Variants in NDUFS4 observed in about 807,000 individuals in gnomAD.
NDUFS4 encodes NADH dehydrogenase [ubiquinone] iron-sulfur protein 4, mitochondrial.
A neutral mutation model predicts 24.3 loss-of-function variants in NDUFS4; 28 were observed. The ratio of observed to expected loss-of-function variants is 1.15; its 90% CI spans 0.85 to 1.58. NDUFS4 has a LOEUF of 1.58. Among genes scored for constraint, NDUFS4 ranks in the 40% most tolerant of loss-of-function variants. NDUFS4 has a pLI of 0.00. For synonymous variants in NDUFS4, 93 were observed against 69.7 expected (o/e 1.34, Z -1.67); for missense variants, 223 against 207.9 (o/e 1.07, Z -0.45).
chr5:53,629,373 G>T (rs904869292), intron 2 of NDUFS4, among the ~76,000 whole-genome samples: 2 of 152,134 alleles, frequency 1.3e-5, no homozygotes, highest in Admixed American at 6.5e-5. Context: ...GGGGTGGGGA[G>T]TTCTGTAGAT....
At chr5:53,589,870 C>T in intron 1 of NDUFS4, among the ~76,000 whole-genome samples, 1 of 152,196 alleles carries the variant, frequency 6.6e-6, no homozygotes, top group Non-Finnish European at 1.5e-5. Flanking sequence ...TGCCCTTGAA[C>T]ATCAGACTCC....
intron 1 of NDUFS4, among the ~76,000 whole-genome samples, chr5:53,595,809 G>A (rs186435847): frequency 1.6e-3 from 247 of 152,250 alleles, no homozygotes; most frequent in African/African-American, 5.4e-3. Context: ...CTTGAGCTGT[G>A]TCCAGACACA....
chr5:53,585,732 A>T (rs1373937362), intron 1 of NDUFS4, among the ~76,000 whole-genome samples: 1 of 151,704 alleles, frequency 6.6e-6, no homozygotes, highest in Non-Finnish European at 1.5e-5. Flanking sequence ...ACAAGAGCGT[A>T]ACTCCGTCTC....
At chr5:53,654,480 T>C (rs10940325) in intron 3 of NDUFS4, among the ~76,000 whole-genome samples, 3,120 of 152,198 alleles carry the variant, frequency 0.02, 116 homozygotes, top group African/African-American at 0.071. Context: ...CTCAGAAATA[T>C]TTTAAAATAA....
At chr5:53,621,333 C>T (rs900655486) in intron 2 of NDUFS4, among the ~76,000 whole-genome samples, 13 of 151,894 alleles carry the variant, frequency 8.6e-5, no homozygotes, top group African/African-American at 2.2e-4. Context: ...TTGACCTTTG[C>T]GATTATATGT....
chr5:53,598,179 G>A (rs1361080000), intron 1 of NDUFS4, among the ~76,000 whole-genome samples: 2 of 76,034 alleles, frequency 2.6e-5, no homozygotes, highest in Non-Finnish European at 4.9e-5. Context: ...ACAGCACTTT[G>A]GAAGAGTCTG....
At chr5:53,620,622 ATGTATC>A (rs1409982267) in intron 2 of NDUFS4, among the ~76,000 whole-genome samples, 1 of 152,190 alleles carries the variant, frequency 6.6e-6, no homozygotes, top group African/African-American at 2.4e-5. Context: ...TTGTGGCATA[ATGTATC>A]TGAGGAAGTT....
chr5:53,619,486 CAAAAAAAAAA>C (rs70983366), intron 2 of NDUFS4, among the ~76,000 whole-genome samples: 127 of 49,088 alleles, frequency 2.6e-3, no homozygotes, highest in African/African-American at 0.01. Flanking sequence ...GACTCTGTCT[CAAAAAAAAAA>C]AAAAAAAAAA....
intron 2 of NDUFS4, among the ~76,000 whole-genome samples, chr5:53,617,269 TC>T (rs1244403211): frequency 6.6e-6 from 1 of 152,094 alleles, no homozygotes; most frequent in Non-Finnish European, 1.5e-5. Context: ...GCCTCTCCTT[TC>T]CCCCCTCTTA....
intron 2 of NDUFS4, among the ~76,000 whole-genome samples, chr5:53,627,102 G>A (rs1412099732): frequency 6.6e-6 from 1 of 152,086 alleles, no homozygotes; most frequent in Non-Finnish European, 1.5e-5. Flanking sequence ...TCTACATATG[G>A]CTAGCCAGTT....
At chr5:53,570,150 CA>C (rs2112412795) in intron 1 of NDUFS4, among the ~76,000 whole-genome samples, 1 of 152,202 alleles carries the variant, frequency 6.6e-6, no homozygotes, top group South Asian at 2.1e-4. Flanking sequence ...TGCAGAATAC[CA>C]AAAGACTTCA....
chr5:53,604,451 C>T (rs1294201400), intron 2 of NDUFS4, among the ~76,000 whole-genome samples: 3 of 152,160 alleles, frequency 2.0e-5, no homozygotes, highest in African/African-American at 7.2e-5. Context: ...TTAAAATTAT[C>T]TCTTCAGTTT....
chr5:53,624,549 G>A (rs746066722), intron 2 of NDUFS4, among the ~76,000 whole-genome samples: 8 of 152,138 alleles, frequency 5.3e-5, no homozygotes, highest in African/African-American at 9.6e-5. Context: ...CAAATCTTTC[G>A]TTTTCTAAGT....
chr5:53,629,665 G>C (rs1353983444), intron 2 of NDUFS4, among the ~76,000 whole-genome samples: 2 of 151,872 alleles, frequency 1.3e-5, no homozygotes, highest in Non-Finnish European at 2.9e-5. Flanking sequence ...ATCTTTGTTG[G>C]TTTAAAGTCT....
At position 53,619,114 on chromosome 5, in the gene NDUFS4, A is replaced by AAAT. The variant is rs574681564; in HGVS notation, c.177+15609_177+15611dup. Among the ~76,000 whole-genome samples the AAAT allele has an allele frequency of 5.5e-3, 814 of 148,980 alleles. 2 individuals are homozygous for AAAT. Among genetic ancestry groups the AAAT allele is most frequent in the East Asian group, 0.022 (114 of 5,068 alleles). The stretch of plus-strand genomic sequence containing the variant: ...GGGCAACCGAGTGAGACTGTCTCCA[A>AAAT]AATAATAATAATAATAATAATAATA... On this transcript the variant is annotated intron_variant, in intron 2 of 4. Coordinates refer to ENST00000296684, the MANE Select transcript of NDUFS4 (RefSeq NM_002495.4).
chr5:53,599,903 C>G (rs1750257118), intron 1 of NDUFS4, among the ~76,000 whole-genome samples: 1 of 152,036 alleles, frequency 6.6e-6, no homozygotes, highest in African/African-American at 2.4e-5. Flanking sequence ...TCCTTACAGG[C>G]TAATCAACAA....
At chr5:53,644,729 C>T (rs1172023525) in intron 2 of NDUFS4, among the ~76,000 whole-genome samples, 1 of 151,994 alleles carries the variant, frequency 6.6e-6, no homozygotes, top group Non-Finnish European at 1.5e-5. Context: ...AATGTAGGCA[C>T]ATATTAGAAG....
At chr5:53,571,066 A>G (rs552108365) in intron 1 of NDUFS4, among the ~76,000 whole-genome samples, 40 of 152,180 alleles carry the variant, frequency 2.6e-4, no homozygotes, top group African/African-American at 9.6e-4. Flanking sequence ...TTATTTAGCT[A>G]TAATTTATAT....
At chr5:53,681,993 C>G (rs893569130) in intron 4 of NDUFS4, among the ~76,000 whole-genome samples, 1 of 151,706 alleles carries the variant, frequency 6.6e-6, no homozygotes, top group African/African-American at 2.4e-5. Context: ...CTTAATTAGA[C>G]TATATAATAA....
Sources: allele counts gnomAD v4.1 joint callset (sites outside exome capture counted in the v4.1 genomes callset), GRCh38; gene constraint gnomAD v4.1.1; transcripts MANE v1.5; gene names NCBI Gene and HGNC (gene_info 2026-07-23, HGNC 2026-07-21).